Variants in PTPRG observed in about 807,000 individuals in gnomAD.
The protein encoded by PTPRG is receptor-type tyrosine-protein phosphatase gamma.
Under a neutral mutation model 165.3 loss-of-function variants are expected in PTPRG, and 102 were observed. The ratio of observed to expected loss-of-function variants is 0.62; its 90% CI spans 0.53 to 0.73. The LOEUF is 0.73. Among genes scored for constraint, PTPRG ranks in the 30% least tolerant of loss-of-function variants. PTPRG has a pLI of 0.00. For synonymous variants in PTPRG, 675 were observed against 669.5 expected (o/e 1.01, Z -0.13); for missense variants, 1,866 against 1,861.4 (o/e 1.00, Z -0.05).
chr3:61,580,308 A>G (rs988263546), intron 1 of PTPRG, among the ~76,000 whole-genome samples: 1 of 152,102 alleles, frequency 6.6e-6, no homozygotes, highest in Non-Finnish European at 1.5e-5. Flanking sequence ...AACAACAGTT[A>G]TACTCAGATT....
Position 62,289,691 on chromosome 3 carries a change from T to C in PTPRG, c.4056-2730T>C, listed in dbSNP as rs1702804985. On this transcript the variant is annotated intron_variant, in intron 28 of 29. Transcript: ENST00000474889. ...AAAGCGTACAATAAAACAACACCCA[T>C]TCATGATCCCCCCCCCCCAAAAAAA... 2.3e-5 allele frequency among the ~76,000 whole-genome samples: 3 copies of C among 128,892 alleles called. No homozygotes were observed. In the South Asian group the frequency reaches 8.5e-4, roughly 36 times the overall value. 84.6% of individuals were successfully genotyped at this position (128,892 alleles called of 152,430 possible).
intron 5 of PTPRG, among the ~76,000 whole-genome samples, chr3:62,087,598 A>T (rs36122862): frequency 0.05 from 7,673 of 152,308 alleles, 274 homozygotes; most frequent in Non-Finnish European, 0.069. Flanking sequence ...AAGCTGAGAC[A>T]TGGAGCTTTT....
chr3:61,878,696 G>A (rs1370180518), intron 2 of PTPRG, among the ~76,000 whole-genome samples: 1 of 151,858 alleles, frequency 6.6e-6, no homozygotes, highest in Non-Finnish European at 1.5e-5. Context: ...TAGAGATGAG[G>A]TCTTACTATG....
intron 2 of PTPRG, among the ~76,000 whole-genome samples, chr3:61,867,744 A>T (rs542063049): frequency 6.6e-6 from 1 of 152,258 alleles, no homozygotes; most frequent in African/African-American, 2.4e-5. Context: ...TCTTGCATCC[A>T]GTTAGCAATG....
At chr3:62,205,073 G>C (rs950092839) in intron 12 of PTPRG, among the ~76,000 whole-genome samples, 10 of 151,648 alleles carry the variant, frequency 6.6e-5, no homozygotes, top group Non-Finnish European at 1.5e-4. Context: ...TTCATCTAAA[G>C]CTGAGATCTC....
At position 62,231,219 on chromosome 3, in the gene PTPRG, A is replaced by C; in HGVS notation, c.2289-6A>C. 6.4e-7 allele frequency: 1 copy of C among 1,556,616 alleles called. No individual in the cohort carries two copies. The highest frequency in any genetic ancestry group is 8.7e-7 in the Non-Finnish European group (1 of 1,152,094). The stretch of plus-strand genomic sequence containing the variant: ...ACCTGTTCTCTTTTGTTTTTTGTCC[A>C]TTTAGAGGGTGTAACAAAATAAAGT... On this transcript the variant is annotated splice_region_variant and splice_polypyrimidine_tract_variant and intron_variant, in intron 13 of 29. Coordinates refer to ENST00000474889, the MANE Select transcript of PTPRG (RefSeq NM_002841.4).
intron 2 of PTPRG, among the ~76,000 whole-genome samples, chr3:61,754,332 T>A (rs1386847630): frequency 6.6e-6 from 1 of 152,224 alleles, no homozygotes; most frequent in Non-Finnish European, 1.5e-5. Context: ...TAGTATGTAC[T>A]TTTTGGCCTC....
intron 10 of PTPRG, among the ~76,000 whole-genome samples, chr3:62,196,821 T>G (rs1219778389): frequency 6.6e-6 from 1 of 152,204 alleles, no homozygotes; most frequent in African/African-American, 2.4e-5. Context: ...GGTTTGGACA[T>G]TTTCCCTACA....
intron 2 of PTPRG, among the ~76,000 whole-genome samples, chr3:61,855,986 C>G (rs2107382487): frequency 6.6e-6 from 1 of 152,144 alleles, no homozygotes; most frequent in Admixed American, 6.5e-5. Context: ...TTACTTCTTC[C>G]TATTTCCAGA....
At chr3:61,938,625 A>C (rs2039538303) in intron 2 of PTPRG, among the ~76,000 whole-genome samples, 1 of 152,200 alleles carries the variant, frequency 6.6e-6, no homozygotes, top group Non-Finnish European at 1.5e-5. Context: ...AGTGTCTGCT[A>C]ATGAAAGTTG....
chr3:61,947,718 A>G (rs1202891472), intron 2 of PTPRG, among the ~76,000 whole-genome samples: 3 of 152,174 alleles, frequency 2.0e-5, no homozygotes, highest in Non-Finnish European at 2.9e-5. Flanking sequence ...CCCTGGCATT[A>G]CTGGGCTGAA....
intron 5 of PTPRG, among the ~76,000 whole-genome samples, chr3:62,110,437 T>C (rs1343602640): frequency 6.6e-6 from 1 of 151,904 alleles, no homozygotes; most frequent in Admixed American, 6.6e-5. Context: ...GAGTACAAAA[T>C]AAATAAATGC....
In PTPRG at chr3:61,749,179, C is replaced by T. The variant is rs1303985387; in HGVS notation, c.190+197C>T. On this transcript the variant is annotated intron_variant, in intron 2 of 29. Coordinates refer to ENST00000474889, the MANE Select transcript of PTPRG (RefSeq NM_002841.4). ...CTTAATTTATCTCTACCACCTGTTT[C>T]CTCAACCTGTTTTCCCCTCAATTTG... 6 of 680,394 alleles carry T rather than the reference C, an allele frequency of 8.8e-6. No individual in the cohort carries two copies. In the African/African-American group the frequency reaches 1.1e-4, roughly 12 times the overall value. The allele number at this position is 680,394 out of a possible 1,614,324, so 42.1% of individuals were successfully genotyped here. A position where few individuals can be genotyped will look rare whatever the true frequency, so the allele number is the denominator to read the frequency against.
At chr3:62,158,004 G>A (rs1464087496) in intron 7 of PTPRG, among the ~76,000 whole-genome samples, 1 of 152,150 alleles carries the variant, frequency 6.6e-6, no homozygotes, top group Non-Finnish European at 1.5e-5. Context: ...CAAAAACTAA[G>A]CCTGGGTTTG....
intron 5 of PTPRG, among the ~76,000 whole-genome samples, chr3:62,094,567 A>C (rs1702047232): frequency 6.6e-6 from 1 of 152,256 alleles, no homozygotes; most frequent in African/African-American, 2.4e-5. Context: ...GTTGACGGTT[A>C]TTGCCATGCA....
chr3:62,105,234 G>T (rs1196533253), intron 5 of PTPRG, among the ~76,000 whole-genome samples: 2 of 152,180 alleles, frequency 1.3e-5, no homozygotes, highest in Non-Finnish European at 2.9e-5. Context: ...GTCATTGTCA[G>T]TGGGAAAATT....
chr3:61,928,641 A>G (rs949853075), intron 2 of PTPRG, among the ~76,000 whole-genome samples: 2 of 152,166 alleles, frequency 1.3e-5, no homozygotes, highest in Non-Finnish European at 2.9e-5. Flanking sequence ...GTGTGATACT[A>G]TGCTTTTAAG....
intron 1 of PTPRG, among the ~76,000 whole-genome samples, chr3:61,676,521 A>G (rs529264560): frequency 6.6e-6 from 1 of 150,556 alleles, no homozygotes; most frequent in South Asian, 2.1e-4. Context: ...TGAATACTTC[A>G]CTGTAATTCC....
intron 4 of PTPRG, among the ~76,000 whole-genome samples, chr3:62,054,410 G>T (rs1471231511): frequency 6.6e-6 from 1 of 152,178 alleles, no homozygotes. Context: ...TTATGTTAGT[G>T]TCTATAGATC....
Sources: gnomAD v4.1 joint callset for allele counts (sites outside exome capture counted in the v4.1 genomes callset) on GRCh38, gnomAD v4.1.1 for gene constraint, MANE v1.5 for transcripts, NCBI Gene and HGNC (gene_info 2026-07-23, HGNC 2026-07-21) for gene names.